Variants in ZFAT observed in about 807,000 individuals in gnomAD.
The protein encoded by ZFAT is zinc finger and AT-hook domain containing, also known as zinc finger protein ZFAT.
Under a neutral mutation model 117.7 loss-of-function variants are expected in ZFAT, and 64 were observed. The ratio of observed to expected loss-of-function variants is 0.54; its 90% confidence interval spans 0.44 to 0.67. ZFAT has a LOEUF of 0.67. Ranked by LOEUF, ZFAT falls within the 30% of genes least tolerant of loss-of-function variation. ZFAT has a pLI of 0.00. For synonymous variants in ZFAT, 679 were observed against 615.0 expected (o/e 1.10, Z -1.54); for missense variants, 1,433 against 1,584.5 (o/e 0.90, Z 1.62).
intron 5 of ZFAT, among the ~76,000 whole-genome samples, chr8:134,605,187 G>A (rs972009748): frequency 2.0e-5 from 3 of 152,170 alleles, no homozygotes; most frequent in African/African-American, 2.4e-5. Context: ...ATGTCCATGC[G>A]AGTTCTATGA....
At chr8:134,527,512 T>G (rs1821110851) in intron 12 of ZFAT, among the ~76,000 whole-genome samples, 1 of 152,226 alleles carries the variant, frequency 6.6e-6, no homozygotes, top group African/African-American at 2.4e-5. Context: ...TGCTGACATT[T>G]GCACTTCCTA....
intron 10 of ZFAT, among the ~76,000 whole-genome samples, chr8:134,572,236 T>C (rs1321005254): frequency 1.3e-5 from 2 of 152,254 alleles, no homozygotes; most frequent in East Asian, 3.8e-4. Context: ...CCATTCCATA[T>C]GAGCATGAAT....
chr8:134,552,304 C>A (rs1440236656), intron 11 of ZFAT, among the ~76,000 whole-genome samples: 1 of 152,090 alleles, frequency 6.6e-6, no homozygotes, highest in African/African-American at 2.4e-5. Flanking sequence ...CATCAAAAAA[C>A]CAAATGAATA....
chr8:134,776,777 G>GCTTAACTATGC, the ZFAT span, among the ~76,000 whole-genome samples: 1 of 152,202 alleles, frequency 6.6e-6, no homozygotes, highest in African/African-American at 2.4e-5. Flanking sequence ...GAATAACGGT[G>GCTTAACTATGC]CTTAACTATT....
At chr8:134,588,108 T>C in intron 9 of ZFAT, 138 bp downstream of exon 9, 5 of 1,041,102 alleles carry the variant, frequency 4.8e-6, no homozygotes, top group South Asian at 1.8e-5. Context: ...AGCTGGTTGA[T>C]GGACACATCT....
the ZFAT span, among the ~76,000 whole-genome samples, chr8:134,763,900 C>T: frequency 4.6e-5 from 7 of 152,222 alleles, no homozygotes; most frequent in East Asian, 1.9e-4. Context: ...ACACTTGGCC[C>T]AAGAGTTAGA....
rs1822788776 is a variant in ZFAT, at chr8:134,547,528, CA to C, written c.2977-14557del. Among the ~76,000 whole-genome samples, 3 of 152,212 alleles carry C rather than the reference CA, an allele frequency of 2.0e-5. No homozygotes were observed. In the South Asian group the frequency reaches 6.2e-4, roughly 32 times the overall value. On this transcript the variant is annotated intron_variant, in intron 11 of 15. Coordinates refer to ENST00000377838, the MANE Select transcript of ZFAT (RefSeq NM_020863.4). The stretch of plus-strand genomic sequence containing the variant: ...CCCACAGAACTGTCCACAGAACTAC[CA>C]AACACTGCAGGTCAGAGTTAACACC...
chr8:134,564,920 C>T, intron 11 of ZFAT: 1 of 1,201,026 alleles, frequency 8.3e-7, no homozygotes, highest in Non-Finnish European at 1.1e-6. Context: ...CTCCCGAACA[C>T]AATCTCCAGT....
At chr8:134,714,968 T>C (rs1282320506), upstream of ZFAT, among the ~76,000 whole-genome samples, 1 of 152,204 alleles carries the variant, frequency 6.6e-6, no homozygotes, top group African/African-American at 2.4e-5. Context: ...GAATCTTTAT[T>C]TGGAAATGAA....
chr8:134,522,274 T>C (rs992179851), intron 12 of ZFAT, among the ~76,000 whole-genome samples: 2 of 152,202 alleles, frequency 1.3e-5, no homozygotes, highest in Non-Finnish European at 2.9e-5. Flanking sequence ...GCCAGATCCA[T>C]CAGACAATTT....
At chr8:134,748,370 T>A in the ZFAT span, among the ~76,000 whole-genome samples, 2 of 152,248 alleles carry the variant, frequency 1.3e-5, no homozygotes, top group Non-Finnish European at 1.5e-5. Flanking sequence ...AAAATGGAAC[T>A]GTATTGTATT....
intron 1 of ZFAT, among the ~76,000 whole-genome samples, chr8:134,675,823 A>G (rs1219752571): frequency 6.6e-6 from 1 of 152,200 alleles, no homozygotes; most frequent in African/African-American, 2.4e-5. Flanking sequence ...TCAACCCAGA[A>G]TTTCATATCC....
intron 1 of ZFAT, among the ~76,000 whole-genome samples, chr8:134,687,717 C>G (rs747573519): frequency 5.9e-5 from 9 of 152,156 alleles, no homozygotes; most frequent in Non-Finnish European, 1.2e-4. Context: ...TCAAGTGATG[C>G]CTCTAAGTAA....
chr8:134,802,144 T>A, the ZFAT span, among the ~76,000 whole-genome samples: 1 of 152,126 alleles, frequency 6.6e-6, no homozygotes, highest in South Asian at 2.1e-4. Context: ...TGTAATATGG[T>A]ACAGATAAGA....
chr8:134,648,115 C>T (rs1031827769), intron 2 of ZFAT, among the ~76,000 whole-genome samples: 2 of 151,750 alleles, frequency 1.3e-5, no homozygotes, highest in African/African-American at 4.8e-5. Context: ...TATCATTTCA[C>T]AATATATATG....
intron 5 of ZFAT, 59 bp from the exon 6 acceptor site, chr8:134,602,992 T>G (rs1827628570): frequency 6.5e-7 from 1 of 1,541,028 alleles, no homozygotes; most frequent in Admixed American, 2.0e-5. Flanking sequence ...TCATGAACTC[T>G]ACATCCTTTT....
the ZFAT span, among the ~76,000 whole-genome samples, chr8:134,770,885 C>T: frequency 1.3e-5 from 2 of 152,204 alleles, no homozygotes; most frequent in African/African-American, 4.8e-5. Flanking sequence ...ATAGCACTCC[C>T]AGGCTTATTA....
chr8:134,540,481 C>T (rs1345157234), intron 11 of ZFAT, among the ~76,000 whole-genome samples: 3 of 152,200 alleles, frequency 2.0e-5, no homozygotes, highest in African/African-American at 7.2e-5. Flanking sequence ...ATTCTCTTCC[C>T]TTCTAGAGAA....
chr8:134,712,623 C>CT (rs71274891), intron 1 of ZFAT, among the ~76,000 whole-genome samples: 97,256 of 138,156 alleles, frequency 0.7, 34,493 homozygotes, highest in South Asian at 0.75. Context: ...TCCCGCCTTG[C>CT]TTTTTTTTTT....
Sources: allele counts gnomAD v4.1 joint callset (sites outside exome capture counted in the v4.1 genomes callset), GRCh38; gene constraint gnomAD v4.1.1; transcripts MANE v1.5; gene names NCBI Gene and HGNC (gene_info 2026-07-23, HGNC 2026-07-21).